KLRD1: variants seen among roughly 807,000 people sequenced by gnomAD.
The protein encoded by KLRD1 is killer cell lectin like receptor D1, also known as natural killer cells antigen CD94.
Under a neutral mutation model 22.6 loss-of-function variants are expected in KLRD1, and 21 were observed. The observed-to-expected ratio is 0.93, with a 90% CI of 0.66 to 1.34. The LOEUF (loss-of-function observed/expected upper bound fraction) is 1.34. Among genes scored for constraint, KLRD1 ranks in the 40% most tolerant of loss-of-function variants. The probability of loss-of-function intolerance (pLI) is 0.00; values close to 1 mark genes in which losing one functional copy is unlikely to be tolerated. For missense variants in KLRD1, 183 were observed against 208.6 expected, an observed-to-expected ratio of 0.88 and a Z score of 0.76; for synonymous variants, 59 against 71.1, an observed-to-expected ratio of 0.83 and a Z score of 0.85.
chr12:10,309,846 A>T (rs1950017542), intron 3 of KLRD1, among the ~76,000 whole-genome samples, 158 bp downstream of exon 3: 1 of 152,234 alleles, frequency 6.6e-6, no homozygotes, highest in Admixed American at 6.5e-5. Flanking sequence ...AATCTAATGT[A>T]AAAATGATTA....
At chr12:10,276,995 T>A (rs1414513286) in intron 1 of KLRD1, among the ~76,000 whole-genome samples, 1 of 152,136 alleles carries the variant, frequency 6.6e-6, no homozygotes, top group East Asian at 1.9e-4. Context: ...CCATTAAGTC[T>A]AGTTTTGTGT....
chr12:10,302,156 ATGAAT>A (rs562904752), upstream of KLRD1, among the ~76,000 whole-genome samples: 105 of 152,356 alleles, frequency 6.9e-4, no homozygotes, highest in African/African-American at 2.3e-3. Context: ...ACGGAGAGAC[ATGAAT>A]TGAACACATG....
upstream of KLRD1, among the ~76,000 whole-genome samples, chr12:10,305,664 A>G (rs1280069498): frequency 6.6e-6 from 1 of 152,204 alleles, no homozygotes; most frequent in Non-Finnish European, 1.5e-5. Flanking sequence ...CCGGATTAGC[A>G]TGTCTGAGAA....
intron 1 of KLRD1, among the ~76,000 whole-genome samples, chr12:10,294,885 C>T (rs953363030): frequency 6.6e-6 from 1 of 152,022 alleles, no homozygotes; most frequent in Non-Finnish European, 1.5e-5. Flanking sequence ...TGACTATATA[C>T]GTTATAGTAA....
intron 1 of KLRD1, among the ~76,000 whole-genome samples, chr12:10,273,531 A>T (rs187460152): frequency 6.6e-6 from 1 of 152,340 alleles, no homozygotes; most frequent in Non-Finnish European, 1.5e-5. Context: ...TTATAGTCTA[A>T]TGTATGCTCT....
At chr12:10,243,430 A>G (rs192863926) in intron 1 of KLRD1, among the ~76,000 whole-genome samples, 206 of 151,970 alleles carry the variant, frequency 1.4e-3, no homozygotes, top group African/African-American at 4.7e-3. Flanking sequence ...CCTGGCCAAC[A>G]TGGCAAAACC....
At chr12:10,300,528 G>A (rs1346374291), upstream of KLRD1, among the ~76,000 whole-genome samples, 2 of 152,156 alleles carry the variant, frequency 1.3e-5, no homozygotes, top group Non-Finnish European at 2.9e-5. Flanking sequence ...TCCAGACTTT[G>A]TTTATTCACT....
intron 1 of KLRD1, among the ~76,000 whole-genome samples, chr12:10,259,322 C>CT (rs1230042717): frequency 3.3e-5 from 5 of 152,144 alleles, no homozygotes; most frequent in Non-Finnish European, 5.9e-5. Flanking sequence ...CCATCATCAT[C>CT]ATAGTTATGT....
intron 1 of KLRD1, among the ~76,000 whole-genome samples, chr12:10,278,413 C>A (rs1304332979): frequency 6.6e-6 from 1 of 152,120 alleles, no homozygotes; most frequent in Non-Finnish European, 1.5e-5. Context: ...TGGTGGACTT[C>A]CATGCTCCCT....
At chr12:10,271,470 T>G (rs1030949176) in intron 1 of KLRD1, among the ~76,000 whole-genome samples, 2 of 152,084 alleles carry the variant, frequency 1.3e-5, no homozygotes, top group Non-Finnish European at 2.9e-5. Flanking sequence ...AAGAAATCAA[T>G]CCTGATTCAA....
chr12:10,289,221 C>A (rs1373339915), intron 1 of KLRD1, among the ~76,000 whole-genome samples: 1 of 152,204 alleles, frequency 6.6e-6, no homozygotes, highest in East Asian at 1.9e-4. Flanking sequence ...CAACAGTTCA[C>A]CACAGAGAAA....
chr12:10,239,888 C>T (rs7954328), intron 1 of KLRD1, among the ~76,000 whole-genome samples: 94,753 of 151,600 alleles, frequency 0.63, 30,409 homozygotes, highest in Admixed American at 0.76. Context: ...GTGATCCGCC[C>T]GCCTCAGCCT....
At chr12:10,275,000 C>T (rs1033985454) in intron 1 of KLRD1, among the ~76,000 whole-genome samples, 5 of 151,756 alleles carry the variant, frequency 3.3e-5, no homozygotes, top group African/African-American at 4.8e-5. Context: ...AAGCGATTCT[C>T]TGCCTCAGCC....
At chr12:10,307,804 AC>A, upstream of KLRD1, 1 of 379,456 alleles carries the variant, frequency 2.6e-6, no homozygotes, top group South Asian at 6.5e-5. Context: ...TTGCAAAAGT[AC>A]TGTGAGAATT....
chr12:10,312,285 C>A (rs187715332), intron 4 of KLRD1, among the ~76,000 whole-genome samples: 2 of 152,040 alleles, frequency 1.3e-5, no homozygotes, highest in Non-Finnish European at 2.9e-5. Flanking sequence ...CTCCTGACCT[C>A]GGGTGATCTA....
intron 1 of KLRD1, among the ~76,000 whole-genome samples, chr12:10,240,136 A>G (rs7969181): frequency 0.63 from 94,789 of 151,294 alleles, 30,456 homozygotes; most frequent in Admixed American, 0.76. Context: ...TCTCAGCTCA[A>G]TGCAGCCTCA....
intron 4 of KLRD1, among the ~76,000 whole-genome samples, chr12:10,312,805 G>A (rs1229677795): frequency 6.7e-6 from 1 of 149,552 alleles, no homozygotes; most frequent in East Asian, 2.1e-4. Context: ...GGCTAACACG[G>A]TGAAACCACG....
rs192245333 is a variant in KLRD1 at position 10,265,171 on chromosome 12, T to A, written c.-101+38938T>A. Among the ~76,000 whole-genome samples, 32 of 152,330 alleles carry A rather than the reference T, an allele frequency of 2.1e-4. No individual in the cohort carries two copies. In the East Asian group the frequency reaches 3.9e-3, roughly 18 times the overall value. On this transcript the variant is annotated intron_variant, in intron 1 of 5. Coordinates refer to the KLRD1 transcript ENST00000544747. ...AAATTATTTTTTACTTTTAAAAAAATTTTTTCAAAATCTATTGTTAAATAT... is the reference window on the plus strand; with the variant it reads ...AAATTATTTTTTACTTTTAAAAAAAATTTTTCAAAATCTATTGTTAAATAT...
chr12:10,314,190 TA>T (rs61342364), intron 5 of KLRD1, among the ~76,000 whole-genome samples: 63,175 of 151,946 alleles, frequency 0.42, 13,328 homozygotes, highest in East Asian at 0.56. Context: ...ATAGTATATT[TA>T]TTATTTTATT....
Sources: allele counts gnomAD v4.1 joint callset (sites outside exome capture counted in the v4.1 genomes callset), GRCh38; gene constraint gnomAD v4.1.1; transcripts MANE v1.5; gene names NCBI Gene and HGNC (gene_info 2026-07-23, HGNC 2026-07-21).